The following FAM227B variants were observed in gnomAD, a reference collection of about 807,000 sequenced individuals.
FAM227B encodes the protein family with sequence similarity 227 member B.
FAM227B carries 88 observed loss-of-function variants against 73.8 expected under a neutral mutation model. The ratio of observed to expected loss-of-function variants is 1.19; its 90% confidence interval spans 1.00 to 1.42. FAM227B has a LOEUF of 1.42. FAM227B is among the 40% of genes most tolerant of loss of function. FAM227B has a pLI of 0.00. For missense variants in FAM227B, 632 were observed against 590.9 expected, an observed-to-expected ratio of 1.07 and a Z score of -0.72; for synonymous variants, 210 against 190.5, an observed-to-expected ratio of 1.10 and a Z score of -0.84.
chr15:49,411,767 C>G (rs1031214216), intron 11 of FAM227B, among the ~76,000 whole-genome samples: 1 of 152,054 alleles, frequency 6.6e-6, no homozygotes, highest in Non-Finnish European at 1.5e-5. Context: ...TTTGGAATCT[C>G]TCAATTCAGA....
intron 11 of FAM227B, among the ~76,000 whole-genome samples, chr15:49,407,061 G>A (rs761819605): frequency 3.9e-5 from 6 of 152,150 alleles, no homozygotes; most frequent in Non-Finnish European, 7.4e-5. Context: ...GTTCAGGTCC[G>A]ACAGTTCTCC....
chr15:49,481,475 A>G (rs545239263), intron 11 of FAM227B, among the ~76,000 whole-genome samples: 1 of 152,230 alleles, frequency 6.6e-6, no homozygotes, highest in Admixed American at 6.5e-5. Context: ...CTGTGAATTA[A>G]GCCTAGCATA....
Position 49,482,575 on chromosome 15 carries a change from T to C in FAM227B, c.1012+25636A>G, listed in dbSNP as rs188554518. Among the ~76,000 whole-genome samples the C allele has an allele frequency of 2.0e-5, 3 of 152,182 alleles. No homozygotes were observed. The East Asian group carries it at 5.8e-4, about 29-fold the overall frequency. On this transcript the variant is annotated intron_variant, in intron 11 of 15. Transcript: ENST00000299338. ...TCAAGAGCTATTCTGTTGGCAATAA[T>C]TTTTAAGATAAAGTTTATCCAAATA...
intron 5 of FAM227B, among the ~76,000 whole-genome samples, chr15:49,584,438 C>G (rs373170861): frequency 6.6e-6 from 1 of 152,180 alleles, no homozygotes; most frequent in African/African-American, 2.4e-5. Flanking sequence ...GGAAGCATTC[C>G]CCTTGAAAAC....
At chr15:49,501,391 T>C (rs2058119463) in intron 11 of FAM227B, among the ~76,000 whole-genome samples, 1 of 152,206 alleles carries the variant, frequency 6.6e-6, no homozygotes, top group Non-Finnish European at 1.5e-5. Context: ...TCATCTGTGT[T>C]GTGCCTTAGC....
chr15:49,525,888 C>A (rs1254514984), intron 10 of FAM227B, among the ~76,000 whole-genome samples: 2 of 150,630 alleles, frequency 1.3e-5, no homozygotes. Context: ...AACAATGGAG[C>A]ACAAAGATTC....
At position 49,575,010 on chromosome 15, in the gene FAM227B, C is replaced by T; in HGVS notation, c.645+1G>A. On this transcript the variant is annotated splice_donor_variant, in intron 8 of 15. Coordinates refer to ENST00000299338, the MANE Select transcript of FAM227B (RefSeq NM_152647.3). LOFTEE classifies it high-confidence loss of function. The stretch of plus-strand genomic sequence containing the variant: ...AAATAAATTTTTAAAAATCACTATA[C>T]CCTAAATTTATGGAGAAACCACCAC... 6.4e-7 allele frequency: 1 copy of T among 1,551,654 alleles called. No individual in the cohort carries two copies. Among genetic ancestry groups the T allele is most frequent in the South Asian group, 1.2e-5 (1 of 84,526 alleles).
intron 10 of FAM227B, among the ~76,000 whole-genome samples, chr15:49,514,507 T>C (rs1027845916): frequency 1.3e-5 from 2 of 152,000 alleles, no homozygotes; most frequent in African/African-American, 2.4e-5. Context: ...GCTGAGACTA[T>C]GTGGTTTTCT....
intron 10 of FAM227B, among the ~76,000 whole-genome samples, chr15:49,537,400 A>G (rs1423109165): frequency 2.6e-5 from 4 of 152,162 alleles, no homozygotes; most frequent in Non-Finnish European, 5.9e-5. Context: ...TGGCTATTAA[A>G]AAGTCAAGAG....
intron 3 of FAM227B, among the ~76,000 whole-genome samples, chr15:49,609,266 G>A (rs918312194): frequency 7.3e-5 from 11 of 151,352 alleles, no homozygotes; most frequent in Non-Finnish European, 1.5e-4. Flanking sequence ...AGAAATGAGA[G>A]GATAAAAACA....
At chr15:49,589,724 G>C in intron 4 of FAM227B, 52 bp downstream of exon 4, 1 of 1,159,100 alleles carries the variant, frequency 8.6e-7, no homozygotes, top group Non-Finnish European at 1.3e-6. Context: ...ACCAGCCTGG[G>C]AAACATAGTG....
chr15:49,521,828 C>A (rs1327837077), intron 10 of FAM227B, among the ~76,000 whole-genome samples: 1 of 152,128 alleles, frequency 6.6e-6, no homozygotes, highest in African/African-American at 2.4e-5. Flanking sequence ...TATATTTCTA[C>A]CTGCCAAAGA....
chr15:49,444,227 G>T (rs1233914258), intron 11 of FAM227B, among the ~76,000 whole-genome samples: 2 of 151,556 alleles, frequency 1.3e-5, no homozygotes, highest in Non-Finnish European at 3.0e-5. Flanking sequence ...ATTTATGATT[G>T]CTCTCAAGAC....
intron 10 of FAM227B, among the ~76,000 whole-genome samples, chr15:49,539,075 G>A (rs528003538): frequency 6.6e-6 from 1 of 152,174 alleles, no homozygotes; most frequent in Admixed American, 6.5e-5. Context: ...GAATTTACAT[G>A]CTGGTTTTGG....
chr15:49,434,933 A>G (rs572660951), intron 11 of FAM227B, among the ~76,000 whole-genome samples: 42 of 151,700 alleles, frequency 2.8e-4, no homozygotes, highest in African/African-American at 9.4e-4. Context: ...TAAAGGCATA[A>G]TTCAATTGGA....
At chr15:49,331,339 CTCCTT>C (rs1444281629) in intron 15 of FAM227B, 2 of 153,946 alleles carry the variant, frequency 1.3e-5, no homozygotes, top group Admixed American at 6.5e-5. Flanking sequence ...ATGGAACAGG[CTCCTT>C]TCTTTTCTTT....
intron 11 of FAM227B, among the ~76,000 whole-genome samples, chr15:49,439,245 G>A (rs1297557774): frequency 1.3e-5 from 2 of 151,138 alleles, no homozygotes; most frequent in Non-Finnish European, 1.5e-5. Context: ...CATGGCAACT[G>A]GCCTCCTTCA....
At chr15:49,331,508 A>G in intron 15 of FAM227B, 1 of 384,770 alleles carries the variant, frequency 2.6e-6, no homozygotes, top group Non-Finnish European at 4.7e-6. Flanking sequence ...AGTGATTATT[A>G]GTTTGTAATT....
In FAM227B at chr15:49,555,720, C is replaced by G. The variant is rs548109232; in HGVS notation, c.747+12525G>C. On this transcript the variant is annotated intron_variant, in intron 9 of 15. Transcript: ENST00000299338. ...GGTCTCTTTACATAATCCCATATCT[C>G]TAGAAGGTTTTGTTCATTCTTGTTC... Among the ~76,000 whole-genome samples, 5 of 152,252 alleles carry G rather than the reference C, an allele frequency of 3.3e-5. No individual in the cohort carries two copies. The South Asian group carries it at 1.0e-3, about 32-fold the overall frequency.
Sources: gnomAD v4.1 joint callset for allele counts (sites outside exome capture counted in the v4.1 genomes callset) on GRCh38, gnomAD v4.1.1 for gene constraint, MANE v1.5 for transcripts, NCBI Gene and HGNC (gene_info 2026-07-23, HGNC 2026-07-21) for gene names.